The following ERC1 variants were observed in gnomAD, a reference collection of about 807,000 sequenced individuals.
ERC1 encodes the protein ELKS/RAB6-interacting/CAST family member 1.
ERC1 carries 56 observed loss-of-function variants against 132.0 expected under a neutral mutation model. That is an observed-to-expected ratio of 0.42 (90% CI 0.34 to 0.53). The LOEUF is 0.53. Ranked by LOEUF, ERC1 falls within the 20% of genes least tolerant of loss-of-function variation. The pLI, the probability that ERC1 is intolerant of heterozygous loss-of-function variation, is 0.03. For synonymous variants in ERC1, 478 were observed against 476.1 expected (o/e 1.00, Z -0.05); for missense variants, 1,202 against 1,349.9 (o/e 0.89, Z 1.72).
chr12:1,284,545 C>T (rs1283787167), intron 14 of ERC1, among the ~76,000 whole-genome samples: 2 of 152,168 alleles, frequency 1.3e-5, no homozygotes, highest in Non-Finnish European at 2.9e-5. Context: ...TACTAATTTA[C>T]ATTCTCACTA....
chr12:1,239,045 C>T (rs1224385711), intron 13 of ERC1, among the ~76,000 whole-genome samples: 7 of 152,132 alleles, frequency 4.6e-5, no homozygotes, highest in Admixed American at 6.5e-5. Context: ...AGTTAGGATA[C>T]TTAGGATCTG....
rs1040043225 is a variant in ERC1, at chr12:1,492,939, C to T, written c.*2709C>T. ...TACAACTGCTACTGAAGTTATATAG[C>T]CTTGAAAACTCAGTGCAGGTTGCCC... is the stretch of plus-strand genomic sequence containing the variant. On this transcript the variant is annotated 3_prime_UTR_variant, in exon 19 of 19. Coordinates refer to ENST00000360905, the MANE Select transcript of ERC1 (RefSeq NM_178040.4). 2.2e-4 allele frequency: 50 copies of T among 227,716 alleles called. No individual in the cohort carries two copies. Among genetic ancestry groups the T allele is most frequent in the African/African-American group, 9.6e-4 (43 of 44,980 alleles). 14.1% of individuals were successfully genotyped at this position (227,716 alleles called of 1,614,324 possible).
chr12:1,246,191 A>G (rs945186271), intron 13 of ERC1, among the ~76,000 whole-genome samples: 4 of 152,224 alleles, frequency 2.6e-5, no homozygotes, highest in Admixed American at 2.6e-4. Context: ...ATACATATGT[A>G]CAAGGTGACT....
chr12:1,209,567 C>T (rs1377555315), intron 12 of ERC1, among the ~76,000 whole-genome samples: 2 of 152,168 alleles, frequency 1.3e-5, no homozygotes, highest in African/African-American at 4.8e-5. Flanking sequence ...TATAACGCAA[C>T]TTGTATTTCA....
At position 1,393,403 on chromosome 12, in the gene ERC1, T is replaced by C. The variant is rs568827021; in HGVS notation, c.2926-14746T>C. ...TTTAAAAATTAGCTGGGCGTGGTGG[T>C]GCACATCTGTAGTCCCAGGCCTTAG... On this transcript the variant is annotated intron_variant, in intron 16 of 18. Coordinates refer to ENST00000360905, the MANE Select transcript of ERC1 (RefSeq NM_178040.4). 3.9e-5 allele frequency among the ~76,000 whole-genome samples: 6 copies of C among 152,232 alleles called. No homozygotes were observed. In the South Asian group the frequency reaches 8.3e-4, roughly 21 times the overall value.
chr12:1,474,199 T>G (rs568989132), intron 18 of ERC1, among the ~76,000 whole-genome samples: 1 of 152,224 alleles, frequency 6.6e-6, no homozygotes, highest in Non-Finnish European at 1.5e-5. Flanking sequence ...TCAGACCTCA[T>G]GGCCTGTGAC....
chr12:1,210,867 C>T (rs185979158), intron 12 of ERC1, among the ~76,000 whole-genome samples: 123 of 151,888 alleles, frequency 8.1e-4, no homozygotes, highest in Non-Finnish European at 1.4e-3. Context: ...TGGTGGCATG[C>T]GCCTGTAGTC....
At chr12:1,362,804 C>A (rs1166442962) in intron 15 of ERC1, among the ~76,000 whole-genome samples, 2 of 152,128 alleles carry the variant, frequency 1.3e-5, no homozygotes, top group Non-Finnish European at 2.9e-5. Flanking sequence ...AGTTGCACAG[C>A]AGTATCAGTG....
chr12:1,127,074 A>G (rs1423813293), intron 7 of ERC1, among the ~76,000 whole-genome samples: 2 of 151,994 alleles, frequency 1.3e-5, no homozygotes, highest in African/African-American at 2.4e-5. Flanking sequence ...ATTAACAGAT[A>G]AAGAAACCTA....
intron 12 of ERC1, among the ~76,000 whole-genome samples, chr12:1,227,594 T>C (rs1202034069): frequency 6.6e-6 from 1 of 152,260 alleles, no homozygotes; most frequent in Non-Finnish European, 1.5e-5. Flanking sequence ...TTTCCCATTC[T>C]TTAAGTTGTC....
At position 1,371,982 on chromosome 12, in the gene ERC1, TA is replaced by T. The variant is rs2087292617; in HGVS notation, c.2925+6del. On this transcript the variant is annotated splice_donor_region_variant and intron_variant, in intron 16 of 18. Transcript: ENST00000360905. Reference sequence around the variant, plus strand: ...GTACAGCAGCTTAAGCAGCAGGTATTATTAAATGCCAGCAGGAGGGTCAGTG... The same window carrying T: ...GTACAGCAGCTTAAGCAGCAGGTATTTTAAATGCCAGCAGGAGGGTCAGTG... The T allele has an allele frequency of 6.2e-7, 1 of 1,612,898 alleles. No individual in the cohort carries two copies. Among genetic ancestry groups the T allele is most frequent in the Non-Finnish European group, 8.5e-7 (1 of 1,179,862 alleles).
chr12:1,321,389 T>C (rs1440347050), intron 15 of ERC1, among the ~76,000 whole-genome samples: 2 of 152,188 alleles, frequency 1.3e-5, no homozygotes, highest in Non-Finnish European at 2.9e-5. Context: ...ATATTTCTTG[T>C]AAAGGTAGCA....
chr12:1,066,643 C>T (rs1452177201), intron 2 of ERC1, among the ~76,000 whole-genome samples: 2 of 152,016 alleles, frequency 1.3e-5, no homozygotes, highest in African/African-American at 4.8e-5. Flanking sequence ...TTGAGACCAG[C>T]CTGGCCAACA....
chr12:1,317,984 T>C (rs1594962229), intron 15 of ERC1, among the ~76,000 whole-genome samples: 1 of 152,314 alleles, frequency 6.6e-6, no homozygotes, highest in African/African-American at 2.4e-5. Flanking sequence ...TGTAAATTAT[T>C]TATAAAAATG....
At chr12:1,225,750 C>T (rs2074528639) in intron 12 of ERC1, among the ~76,000 whole-genome samples, 1 of 152,140 alleles carries the variant, frequency 6.6e-6, no homozygotes, top group Non-Finnish European at 1.5e-5. Flanking sequence ...TCATAATGCC[C>T]CAAATAACCA....
chr12:1,203,289 C>G (rs1169199079), intron 12 of ERC1, among the ~76,000 whole-genome samples: 2 of 152,130 alleles, frequency 1.3e-5, no homozygotes, highest in Admixed American at 1.3e-4. Flanking sequence ...AACTCCTGAC[C>G]TCAGGTGATC....
intron 13 of ERC1, among the ~76,000 whole-genome samples, chr12:1,255,621 CTTTTTTTTTT>C (rs757949030): frequency 3.1e-4 from 19 of 61,556 alleles, no homozygotes; most frequent in South Asian, 5.8e-4. Flanking sequence ...GCTTCCTGGC[CTTTTTTTTTT>C]TTTTTTTTTT....
intron 4 of ERC1, among the ~76,000 whole-genome samples, chr12:1,107,648 G>A (rs1945406916): frequency 6.6e-6 from 1 of 152,172 alleles, no homozygotes; most frequent in Non-Finnish European, 1.5e-5. Context: ...CAAGAGTGGT[G>A]ATTGAAGGGG....
In ERC1 at chr12:1,183,293, G is replaced by A; in HGVS notation, c.2029G>A (p.Asp677Asn). ...TTCCTTCTTTTAGGCTTCACTTTTG[G>A]ATCTGAAAGAGCATGCTTCTTCTCT... is the stretch of plus-strand genomic sequence containing the variant. ...DLSEKEASLL[D>N]LKEHASSLAS... is the part of the protein sequence containing the mutation. The change falls in exon 11 of 19, where the codon GAT (aspartate) becomes AAT (asparagine). Residue 677 changes from aspartate to asparagine, a missense_variant. Asp to Asn is a conservative substitution (Grantham distance 23, BLOSUM62 1). Transcript: ENST00000360905. 6.4e-7 allele frequency: 1 copy of A among 1,556,350 alleles called. No homozygotes were observed.
Sources: gnomAD v4.1 joint callset for allele counts (sites outside exome capture counted in the v4.1 genomes callset) on GRCh38, gnomAD v4.1.1 for gene constraint, MANE v1.5 for transcripts, NCBI Gene and HGNC (gene_info 2026-07-23, HGNC 2026-07-21) for gene names.